Variants in PLK1 observed in about 807,000 individuals in gnomAD.
PLK1 encodes serine/threonine-protein kinase PLK1.
PLK1 carries 6 observed loss-of-function variants against 56.7 expected under a neutral mutation model. That is an observed-to-expected ratio of 0.11 (90% CI 0.06 to 0.21). The LOEUF is 0.21. PLK1 is among the 10% of genes least tolerant of loss of function. The pLI is 1.00. For synonymous variants in PLK1, 298 were observed against 325.0 expected, an observed-to-expected ratio of 0.92 and a Z score of 0.89; for missense variants, 546 against 814.4, an observed-to-expected ratio of 0.67 and a Z score of 4.01.
chr16:23,679,187 T>A lies in PLK1; in HGVS notation c.255T>A (p.Pro85=). The A allele has an allele frequency of 6.2e-7, 1 of 1,613,992 alleles. No individual in the cohort carries two copies. Among genetic ancestry groups the A allele is most frequent in the East Asian group, 2.2e-5 (1 of 44,868 alleles). Residue 85 remains proline, a synonymous_variant, in exon 1 of 10, where the codon CCT becomes CCA. Coordinates refer to ENST00000300093, the MANE Select transcript of PLK1 (RefSeq NM_005030.6). ...TKEVFAGKIV[P]KSLLLKPHQR... is the part of the protein sequence containing the mutation. ...AGGTGTTCGCGGGCAAGATTGTGCCTAAGTCTCTGCTGCTCAAGCCGCACC... is the reference window on the plus strand; with the variant it reads ...AGGTGTTCGCGGGCAAGATTGTGCCAAAGTCTCTGCTGCTCAAGCCGCACC...
At chr16:23,681,480 G>A (rs904514489) in intron 3 of PLK1, among the ~76,000 whole-genome samples, 1 of 152,198 alleles carries the variant, frequency 6.6e-6, no homozygotes. Context: ...TTAGCATGGT[G>A]GGGGAAATTA....
At position 23,679,118 on chromosome 16, in the gene PLK1, C is replaced by G; in HGVS notation, c.186C>G (p.Gly62=). Residue 62 remains glycine, a synonymous_variant, in exon 1 of 10, where the codon GGC becomes GGG. Coordinates refer to ENST00000300093, the MANE Select transcript of PLK1 (RefSeq NM_005030.6). ...RYVRGRFLGK[G]GFAKCFEISD... ...TGCGGGGCCGCTTTTTGGGCAAGGG[C>G]GGCTTTGCCAAGTGCTTCGAGATCT... 1 of 1,610,494 alleles carries G rather than the reference C, an allele frequency of 6.2e-7. No individual in the cohort carries two copies.
intron 5 of PLK1, 46 bp from the exon 6 acceptor site, chr16:23,687,423 G>A (rs1190201593): frequency 2.8e-6 from 4 of 1,444,718 alleles, no homozygotes; most frequent in Non-Finnish European, 3.7e-6. Context: ...TGTGGCAGGG[G>A]AGTCCCGTGC....
intron 2 of PLK1, 86 bp downstream of exon 2, chr16:23,680,338 C>G (rs1302697080): frequency 3.5e-6 from 4 of 1,153,034 alleles, no homozygotes. Context: ...AGGAGACAAC[C>G]CACAAGTCAG....
At chr16:23,679,484 T>A (rs942151474) in intron 1 of PLK1, 144 bp downstream of exon 1, 1 of 712,066 alleles carries the variant, frequency 1.4e-6, no homozygotes. Context: ...CCCGCTTACG[T>A]ATGGAAAGTG....
At chr16:23,681,648 T>C (rs758652510) in intron 3 of PLK1, among the ~76,000 whole-genome samples, 9 of 152,194 alleles carry the variant, frequency 5.9e-5, no homozygotes, top group African/African-American at 9.7e-5. Context: ...GTTGTAGCAA[T>C]GGCTTTCATA....
At position 23,690,338 on chromosome 16, in the gene PLK1, T is replaced by C. The variant is rs952628441; in HGVS notation, c.*275T>C. ...AATTCGGAACTGTCCTTTCCTTGGC[T>C]TTATGCACATTAAACAGATGTGAAT... On this transcript the variant is annotated 3_prime_UTR_variant, in exon 10 of 10. Coordinates refer to ENST00000300093, the MANE Select transcript of PLK1 (RefSeq NM_005030.6). 32 of 556,436 alleles carry C rather than the reference T, an allele frequency of 5.8e-5. No individual in the cohort carries two copies. Among genetic ancestry groups the C allele is most frequent in the African/African-American group, 5.4e-4 (29 of 53,334 alleles). 34.5% of individuals were successfully genotyped at this position (556,436 alleles called of 1,614,324 possible).
intron 6 of PLK1, chr16:23,687,956 ACTT>A (rs1959455448): frequency 5.7e-6 from 1 of 175,804 alleles, no homozygotes; most frequent in African/African-American, 2.4e-5. Flanking sequence ...GCACGAAAGC[ACTT>A]CTTCCAGACA....
chr16:23,689,987 G>C lies in PLK1; in HGVS notation c.1736G>C (p.Arg579Pro). Reference sequence around the variant, plus strand: ...GGCTGCTGCAAGGAGCTGGCCAGCCGGCTCCGCTACGCCCGCACTATGGTG... The same window carrying C: ...GGCTGCTGCAAGGAGCTGGCCAGCCCGCTCCGCTACGCCCGCACTATGGTG... Reference protein sequence around the residue: ...EYGCCKELASRLRYARTMVDK... With the variant: ...EYGCCKELASPLRYARTMVDK... The change falls in exon 10 of 10, where the codon CGG becomes CCG. Residue 579 changes from arginine (R) to proline (P), a missense_variant. Arg to Pro is a moderately radical substitution (Grantham distance 103). Around this residue, in one of 7 missense-constraint regions of PLK1, gnomAD observed 72 missense variants for 77.9 expected, o/e 0.92. Transcript: ENST00000300093. The surrounding 1 kb of genome is among the most constrained non-coding windows in gnomAD (Gnocchi z 4.8). 6.2e-7 allele frequency: 1 copy of C among 1,613,688 alleles called. No homozygotes were observed. Among genetic ancestry groups the C allele is most frequent in the Non-Finnish European group, 8.5e-7 (1 of 1,179,936 alleles).
chr16:23,687,395 T>C lies in PLK1; in HGVS notation c.1037-74T>C. On this transcript the variant is annotated intron_variant, in intron 5 of 9. Coordinates refer to ENST00000300093, the MANE Select transcript of PLK1 (RefSeq NM_005030.6). Reference sequence around the variant, plus strand: ...GCAGTGGTAGCTAAGAGAATTTTTCTTTCGGAAGAGTTTCAGCTGTGGCAG... The same window carrying C: ...GCAGTGGTAGCTAAGAGAATTTTTCCTTCGGAAGAGTTTCAGCTGTGGCAG... 7.8e-6 allele frequency: 10 copies of C among 1,289,200 alleles called. No individual in the cohort carries two copies. The South Asian group carries it at 1.7e-4, about 21-fold the overall frequency. 79.9% of individuals were successfully genotyped at this position (1,289,200 alleles called of 1,614,324 possible).
rs775905226 is a variant in PLK1, at chr16:23,679,046, A to G, written c.114A>G (p.Lys38=). Residue 38 remains lysine (K), a synonymous_variant, in exon 1 of 10, where the codon AAA becomes AAG. Coordinates refer to ENST00000300093, the MANE Select transcript of PLK1 (RefSeq NM_005030.6). ...PGAPAAAPPA[K]EIPEVLVDPR... ...CTCCGGCGGCGGCTCCACCGGCGAA[A>G]GAGATCCCGGAGGTCCTAGTGGACC... is the stretch of plus-strand genomic sequence containing the variant. 11 of 1,608,020 alleles carry G rather than the reference A, an allele frequency of 6.8e-6. No individual in the cohort carries two copies. The highest frequency in any genetic ancestry group is 3.3e-5 in the South Asian group (3 of 90,902).
chr16:23,689,406 G>A lies in PLK1; in HGVS notation c.1425+14G>A, dbSNP rs1381784197. 6.2e-6 allele frequency: 10 copies of A among 1,603,782 alleles called. No individual in the cohort carries two copies. The highest frequency in any genetic ancestry group is 1.1e-5 in the South Asian group (1 of 90,932). ...TTGATGAAGAAGGTGAGTGCCGTCCGGCCCATGGGGGGTGGTGTTGCAGAA... is the reference window on the plus strand; with the variant it reads ...TTGATGAAGAAGGTGAGTGCCGTCCAGCCCATGGGGGGTGGTGTTGCAGAA... On this transcript the variant is annotated intron_variant, in intron 8 of 9. Transcript: ENST00000300093. This position sits in a 1 kb window ranked among gnomAD's most constrained non-coding sequence, Gnocchi z 4.8.
In PLK1 at chr16:23,679,172, G is replaced by A. The variant is rs1478363687; in HGVS notation, c.240G>A (p.Ala80=). ...ISDADTKEVF[A]GKIVPKSLLL... is the part of the protein sequence containing the mutation. ...ACGCGGACACCAAGGAGGTGTTCGC[G>A]GGCAAGATTGTGCCTAAGTCTCTGC... The change falls in exon 1 of 10, where the codon GCG becomes GCA. Residue 80 remains alanine, a synonymous_variant. Coordinates refer to ENST00000300093, the MANE Select transcript of PLK1 (RefSeq NM_005030.6). The A allele has an allele frequency of 3.1e-6, 5 of 1,613,842 alleles. No individual in the cohort carries two copies. The highest frequency in any genetic ancestry group is 4.2e-6 in the Non-Finnish European group (5 of 1,179,980).
intron 5 of PLK1, among the ~76,000 whole-genome samples, chr16:23,685,113 T>G (rs1415784742): frequency 6.6e-6 from 1 of 151,808 alleles, no homozygotes; most frequent in African/African-American, 2.4e-5. Context: ...TCTGTGGATA[T>G]ATCACCAATT....
chr16:23,688,588 C>T, intron 6 of PLK1, 80 bp from the exon 7 acceptor site: 2 of 1,153,050 alleles, frequency 1.7e-6, no homozygotes, highest in African/African-American at 3.0e-5. Flanking sequence ...TTCCCTGTTC[C>T]CTGGTGTGGG....
Position 23,689,161 on chromosome 16 carries a change from G to T in PLK1, c.1271-77G>T. 7.5e-7 allele frequency: 1 copy of T among 1,331,268 alleles called. No individual in the cohort carries two copies. The highest frequency in any genetic ancestry group is 1.1e-6 in the Non-Finnish European group (1 of 940,230). The allele number at this position is 1,331,268 out of a possible 1,614,324, so 82.5% of individuals were successfully genotyped here. A position where few individuals can be genotyped will look rare whatever the true frequency, so the allele number is the denominator to read the frequency against. On this transcript the variant is annotated intron_variant, in intron 7 of 9. Coordinates refer to ENST00000300093, the MANE Select transcript of PLK1 (RefSeq NM_005030.6). This position sits in a 1 kb window ranked among gnomAD's most constrained non-coding sequence, Gnocchi z 4.8. ...AGCCTCCCAAAGTGCTGGAATCACA[G>T]GCATGTGCCACCACGCCCGGTCCCA...
rs1959280009 is a variant in PLK1, at chr16:23,679,042, C to A, written c.110C>A (p.Ala37Glu). 2 of 1,607,772 alleles carry A rather than the reference C, an allele frequency of 1.2e-6. No homozygotes were observed. Among genetic ancestry groups the A allele is most frequent in the East Asian group, 4.5e-5 (2 of 44,726 alleles). ...APGAPAAAPP[A>E]KEIPEVLVDP... ...GGAGCTCCGGCGGCGGCTCCACCGG[C>A]GAAAGAGATCCCGGAGGTCCTAGTG... is the stretch of plus-strand genomic sequence containing the variant. Residue 37 changes from alanine (A) to glutamate (E), a missense_variant, in exon 1 of 10, where the codon GCG (alanine) becomes GAG (glutamate). Around this residue, in one of 7 missense-constraint regions of PLK1, gnomAD observed 72 missense variants for 63.7 expected, o/e 1.13. Coordinates refer to ENST00000300093, the MANE Select transcript of PLK1 (RefSeq NM_005030.6).
intron 5 of PLK1, chr16:23,686,946 C>T (rs1244076472): frequency 6.6e-6 from 1 of 152,136 alleles, no homozygotes; most frequent in Non-Finnish European, 1.5e-5. Flanking sequence ...AGGAAAAAGA[C>T]AATAAGAATA....
At position 23,681,027 on chromosome 16, in the gene PLK1, G is replaced by A. The variant is rs2140997810; in HGVS notation, c.691G>A (p.Glu231Lys). 1.9e-6 allele frequency: 3 copies of A among 1,613,320 alleles called. No homozygotes were observed. Among genetic ancestry groups the A allele is most frequent in the Non-Finnish European group, 1.7e-6 (2 of 1,179,734 alleles). ...EVLSKKGHSFEVDVWSIGCIM... is the reference protein window; with the variant it reads ...EVLSKKGHSFKVDVWSIGCIM... Reference sequence around the variant, plus strand: ...GCTGAGCAAGAAAGGGCACAGTTTCGAGGTGGATGTGTGGTCCATTGGGTG... The same window carrying A: ...GCTGAGCAAGAAAGGGCACAGTTTCAAGGTGGATGTGTGGTCCATTGGGTG... The change falls in exon 3 of 10, where the codon GAG becomes AAG. Residue 231 changes from glutamate to lysine, a missense_variant. Physicochemically the swap from Glu to Lys is moderately conservative, Grantham distance 56 (BLOSUM62 1). This residue lies in a region of PLK1 where 21 missense variants were observed against 58.4 expected (regional missense o/e 0.36). Transcript: ENST00000300093.
Sources: gnomAD v4.1 joint callset for allele counts (sites outside exome capture counted in the v4.1 genomes callset) on GRCh38, gnomAD v4.1.1 for gene constraint, gnomAD v4.1.1 regional missense constraint, Gnocchi (gnomAD v3.1) non-coding constraint, MANE v1.5 for transcripts, NCBI Gene and HGNC (gene_info 2026-07-23, HGNC 2026-07-21) for gene names.